The following SAMMSON variants were observed in gnomAD, a reference collection of about 807,000 sequenced individuals.
SAMMSON encodes long intergenic non-protein coding RNA 1212.
intron 9 of SAMMSON, among the ~76,000 whole-genome samples, chr3:70,358,827 T>G (rs1559571937): frequency 6.6e-6 from 1 of 152,294 alleles, no homozygotes; most frequent in African/African-American, 2.4e-5. Flanking sequence ...AACTTATTCT[T>G]AAAATCCATA....
At chr3:70,186,415 G>T (rs1051433945) in intron 4 of SAMMSON, among the ~76,000 whole-genome samples, 8 of 151,958 alleles carry the variant, frequency 5.3e-5, no homozygotes, top group African/African-American at 1.9e-4. Flanking sequence ...ATGCCACCAT[G>T]CCTGGCTAAT....
intron 3 of SAMMSON, among the ~76,000 whole-genome samples, chr3:70,048,541 A>G (rs968519537): frequency 2.0e-5 from 3 of 152,128 alleles, no homozygotes; most frequent in Non-Finnish European, 2.9e-5. Context: ...CATCCTTTAT[A>G]GGGACAACAC....
intron 4 of SAMMSON, among the ~76,000 whole-genome samples, chr3:70,155,898 C>T (rs2067590279): frequency 6.6e-6 from 1 of 151,996 alleles, no homozygotes; most frequent in African/African-American, 2.4e-5. Context: ...GAACATGCAT[C>T]CTTTTGAAAT....
intron 3 of SAMMSON, chr3:70,065,176 T>C (rs2067205026): frequency 6.6e-6 from 1 of 152,104 alleles, no homozygotes; most frequent in African/African-American, 2.4e-5. Flanking sequence ...TGAAAACTAA[T>C]TTATTATCAT....
At chr3:70,205,755 A>C (rs1328314581) in intron 4 of SAMMSON, 1 of 152,112 alleles carries the variant, frequency 6.6e-6, no homozygotes, top group Non-Finnish European at 1.5e-5. Flanking sequence ...TTCAAAAAGT[A>C]AATATGTATT....
At position 70,206,543 on chromosome 3, in the gene SAMMSON, G is replaced by C. The variant is rs76047218; in HGVS notation, n.508-42564G>C. The C allele has an allele frequency of 4.4e-3, 1,760 of 397,444 alleles. 21 individuals are homozygous for C. The highest frequency in any genetic ancestry group is 0.032 in the African/African-American group (1,568 of 48,638). The allele number at this position is 397,444 out of a possible 1,614,324, so 24.6% of individuals were successfully genotyped here. ...ATGGGGGTTGGGAGCTTTATTTAGAGATGGGTTGAATTCTGAGAAACATAC... is the reference window on the plus strand; with the variant it reads ...ATGGGGGTTGGGAGCTTTATTTAGACATGGGTTGAATTCTGAGAAACATAC... On this transcript the variant is annotated intron_variant and non_coding_transcript_variant, in intron 4 of 9. Transcript: ENST00000642114.
intron 6 of SAMMSON, among the ~76,000 whole-genome samples, chr3:70,258,257 C>T (rs778247228): frequency 9.9e-5 from 15 of 151,888 alleles, no homozygotes; most frequent in Non-Finnish European, 1.8e-4. Flanking sequence ...GATCAGACAC[C>T]AAAAGCATGA....
intron 4 of SAMMSON, among the ~76,000 whole-genome samples, chr3:70,226,704 C>T (rs1207223065): frequency 6.7e-6 from 1 of 148,150 alleles, no homozygotes; most frequent in Non-Finnish European, 1.5e-5. Context: ...TGCCACTCCA[C>T]TCCAGCCTGG....
chr3:70,194,705 T>A (rs1701159140), intron 4 of SAMMSON, among the ~76,000 whole-genome samples: 1 of 152,162 alleles, frequency 6.6e-6, no homozygotes, highest in African/African-American at 2.4e-5. Context: ...TCAATTCACA[T>A]TTGAAATGCA....
At chr3:70,118,862 G>A (rs944876855) in intron 4 of SAMMSON, among the ~76,000 whole-genome samples, 1 of 152,140 alleles carries the variant, frequency 6.6e-6, no homozygotes, top group Non-Finnish European at 1.5e-5. Context: ...TAGCTAAGAT[G>A]TGAAGCCTCA....
intron 4 of SAMMSON, among the ~76,000 whole-genome samples, chr3:70,177,453 C>T (rs533238746): frequency 1.3e-5 from 2 of 152,146 alleles, no homozygotes; most frequent in African/African-American, 2.4e-5. Context: ...GAGAGAGATA[C>T]GACAGGTTAA....
chr3:70,214,381 G>A (rs761727347), intron 4 of SAMMSON, among the ~76,000 whole-genome samples: 3 of 152,062 alleles, frequency 2.0e-5, no homozygotes, highest in Admixed American at 1.3e-4. Flanking sequence ...CAAGGGCTAC[G>A]ACAAGAGGAC....
intron 4 of SAMMSON, among the ~76,000 whole-genome samples, chr3:70,104,265 G>GTT (rs565482813): frequency 4.3e-5 from 6 of 140,258 alleles, no homozygotes; most frequent in African/African-American, 1.1e-4. Context: ...AAAACCTCGT[G>GTT]TTTTTTTTTT....
intron 2 of SAMMSON, among the ~76,000 whole-genome samples, chr3:70,404,457 A>G (rs1701164494): frequency 6.6e-6 from 1 of 152,164 alleles, no homozygotes; most frequent in Non-Finnish European, 1.5e-5. Flanking sequence ...AGAAGACCAG[A>G]TGGGAAGGAG....
At chr3:70,065,031 G>A (rs1235442052) in intron 3 of SAMMSON, among the ~76,000 whole-genome samples, 1 of 152,090 alleles carries the variant, frequency 6.6e-6, no homozygotes, top group Non-Finnish European at 1.5e-5. Context: ...CAGATGTGCT[G>A]TTTACATTGG....
chr3:70,411,067 G>A (rs577732115), intron 2 of SAMMSON, among the ~76,000 whole-genome samples: 82 of 152,174 alleles, frequency 5.4e-4, no homozygotes, highest in African/African-American at 1.6e-3. Flanking sequence ...CCTACCCCGC[G>A]CAATTAGACT....
intron 3 of SAMMSON, chr3:70,014,421 C>T (rs1231940810): frequency 2.6e-5 from 4 of 152,190 alleles, no homozygotes; most frequent in Admixed American, 2.6e-4. Context: ...GAAAGGTTGC[C>T]TGCTTCTGGG....
At chr3:70,328,655 G>A (rs1254676641) in intron 7 of SAMMSON, among the ~76,000 whole-genome samples, 1 of 152,076 alleles carries the variant, frequency 6.6e-6, no homozygotes, top group Admixed American at 6.6e-5. Context: ...GAAAAATAAG[G>A]AATTGGGCAT....
intron 3 of SAMMSON, chr3:70,024,672 G>A (rs957158736): frequency 2.0e-5 from 3 of 152,156 alleles, no homozygotes; most frequent in East Asian, 1.9e-4. Flanking sequence ...GAAAGCATTC[G>A]GATTTTCCTT....
Sources: allele counts gnomAD v4.1 joint callset (sites outside exome capture counted in the v4.1 genomes callset), GRCh38; gene constraint gnomAD v4.1.1; transcripts MANE v1.5; gene names NCBI Gene and HGNC (gene_info 2026-07-23, HGNC 2026-07-21).